TEK: variants seen among roughly 807,000 people sequenced by gnomAD.
TEK encodes the protein TEK receptor tyrosine kinase, also known as angiopoietin-1 receptor.
TEK carries 43 observed loss-of-function variants against 131.8 expected under a neutral mutation model. That is an observed-to-expected ratio of 0.33 (90% CI 0.26 to 0.42). The LOEUF is 0.42. Ranked by LOEUF, TEK falls within the 10% of genes least tolerant of loss-of-function variation. The probability of loss-of-function intolerance (pLI) is 1.00; values close to 1 mark genes in which losing one functional copy is unlikely to be tolerated. For missense variants in TEK, 1,162 were observed against 1,384.4 expected (o/e 0.84, Z 2.55); for synonymous variants, 580 against 491.6 (o/e 1.18, Z -2.38).
At chr9:27,124,337 C>T (rs1821908419) in intron 1 of TEK, among the ~76,000 whole-genome samples, 1 of 152,252 alleles carries the variant, frequency 6.6e-6, no homozygotes, top group Non-Finnish European at 1.5e-5. Flanking sequence ...GCTGGGGCAG[C>T]TCTGCTCCTT....
At chr9:27,141,308 TTTTTA>T (rs1363716001) in intron 1 of TEK, among the ~76,000 whole-genome samples, 6 of 152,268 alleles carry the variant, frequency 3.9e-5, no homozygotes, top group South Asian at 2.1e-4. Flanking sequence ...TACACCCTGT[TTTTTA>T]TTTTATTAAT....
chr9:27,115,172 T>A (rs989783571), intron 1 of TEK, among the ~76,000 whole-genome samples: 2 of 152,098 alleles, frequency 1.3e-5, no homozygotes, highest in African/African-American at 2.4e-5. Context: ...TTTTATTGGG[T>A]CCAATGATAC....
In TEK at chr9:27,182,445, T is replaced by C. The variant is rs147584411; in HGVS notation, c.1031-1014T>C. On this transcript the variant is annotated intron_variant, in intron 7 of 22. Coordinates refer to ENST00000380036, the MANE Select transcript of TEK (RefSeq NM_000459.5). ...CATAATCTTTCCAAGTTTACAGATA[T>C]ATCAAGGAATAACCTTGTAAGTATT... is the stretch of plus-strand genomic sequence containing the variant. Among the ~76,000 whole-genome samples, 402 of 152,332 alleles carry C rather than the reference T, an allele frequency of 2.6e-3. 2 individuals carry two copies. Among genetic ancestry groups the C allele is most frequent in the African/African-American group, 9.2e-3 (384 of 41,584 alleles).
chr9:27,174,588 C>A (rs1161318754), intron 6 of TEK, among the ~76,000 whole-genome samples: 1 of 152,136 alleles, frequency 6.6e-6, no homozygotes, highest in East Asian at 1.9e-4. Flanking sequence ...AGTTCCATAG[C>A]CACACGTGGC....
rs182052305 is a variant in TEK at position 27,169,130 on chromosome 9, C to A, written c.476-347C>A. Among the ~76,000 whole-genome samples the A allele has an allele frequency of 2.2e-4, 34 of 152,274 alleles. 1 individual carries two copies. Among genetic ancestry groups the A allele is most frequent in the African/African-American group, 7.9e-4 (33 of 41,560 alleles). On this transcript the variant is annotated intron_variant, in intron 3 of 22. Transcript: ENST00000380036. ...AGATTGGAGTAGCGATTATAGATAT[C>A]TCCTGGTTAATTGGTTAGTTGACAG...
intron 2 of TEK, among the ~76,000 whole-genome samples, chr9:27,158,515 G>A (rs1042195694): frequency 6.6e-6 from 1 of 152,060 alleles, no homozygotes; most frequent in Admixed American, 6.6e-5. Context: ...TTTTTCATGT[G>A]ATACATTGCT....
chr9:27,189,105 A>G (rs1251951880), intron 9 of TEK, among the ~76,000 whole-genome samples: 2 of 152,170 alleles, frequency 1.3e-5, no homozygotes, highest in East Asian at 1.9e-4. Flanking sequence ...GCATTGTATA[A>G]TACACACTCT....
At chr9:27,197,249 G>T (rs940102621) in intron 11 of TEK, 66 bp from the exon 12 acceptor site, 28 of 1,553,926 alleles carry the variant, frequency 1.8e-5, no homozygotes, top group Middle Eastern at 3.3e-4. Context: ...TGAGATTTGG[G>T]TGGGGACACT....
chr9:27,165,339 C>A (rs1052386509), intron 2 of TEK, among the ~76,000 whole-genome samples: 21 of 151,956 alleles, frequency 1.4e-4, no homozygotes, highest in African/African-American at 5.1e-4. Context: ...GAAAAAAATT[C>A]TCGTAGGAGT....
At chr9:27,207,817 T>G (rs1041988539) in intron 15 of TEK, among the ~76,000 whole-genome samples, 19 of 152,220 alleles carry the variant, frequency 1.2e-4, no homozygotes, top group African/African-American at 4.3e-4. Context: ...CATCTCTGCT[T>G]TCTGCATTGT....
intron 1 of TEK, among the ~76,000 whole-genome samples, chr9:27,125,562 C>T (rs1200019834): frequency 6.6e-6 from 1 of 152,110 alleles, no homozygotes; most frequent in Non-Finnish European, 1.5e-5. Flanking sequence ...ACACAGACTC[C>T]GGTGCCAGAT....
intron 21 of TEK, among the ~76,000 whole-genome samples, chr9:27,226,240 C>A (rs528458190): frequency 3.9e-5 from 6 of 152,278 alleles, no homozygotes; most frequent in Admixed American, 3.3e-4. Context: ...GGAATATACC[C>A]ACAGGATTAT....
At chr9:27,118,506 C>A (rs1299095231) in intron 1 of TEK, among the ~76,000 whole-genome samples, 1 of 152,104 alleles carries the variant, frequency 6.6e-6, no homozygotes. Flanking sequence ...TGGTGGCACA[C>A]ACCTGTGGTC....
chr9:27,219,335 C>G (rs1215275429), intron 20 of TEK, among the ~76,000 whole-genome samples: 1 of 152,136 alleles, frequency 6.6e-6, no homozygotes, highest in African/African-American at 2.4e-5. Flanking sequence ...GTGTCCTTTG[C>G]AGGACCATGG....
chr9:27,191,591 GA>G (rs11372025), intron 10 of TEK, among the ~76,000 whole-genome samples: 7,937 of 146,682 alleles, frequency 0.054, 231 homozygotes, highest in Middle Eastern at 0.086. Context: ...GAAAACTATG[GA>G]AAAAAAAAAA....
rs138894008 is a variant in TEK at position 27,192,564 on chromosome 9, G to T, written c.1565G>T (p.Arg522Leu). The change falls in exon 11 of 23, where the codon CGT (arginine) becomes CTT (leucine). Residue 522 changes from arginine to leucine, a missense_variant. Physicochemically the swap from Arg to Leu is moderately radical, Grantham distance 102. This residue lies in a region of TEK where 477 missense variants were observed against 471.0 expected (regional missense o/e 1.01). Coordinates refer to ENST00000380036, the MANE Select transcript of TEK (RefSeq NM_000459.5). ...GAACTCTGTGTGCAACTGGTCCGTC[G>T]TGGAGAGGGTGGGGAAGGGCATCCT... ...EYELCVQLVR[R>L]GEGGEGHPGP... 2.9e-4 allele frequency: 466 copies of T among 1,613,864 alleles called. No homozygotes were observed. Among genetic ancestry groups the T allele is most frequent in the Non-Finnish European group, 3.5e-4 (415 of 1,179,962 alleles).
chr9:27,123,471 T>C (rs1185642573), intron 1 of TEK, among the ~76,000 whole-genome samples: 1 of 152,166 alleles, frequency 6.6e-6, no homozygotes, highest in Non-Finnish European at 1.5e-5. Flanking sequence ...ATAAATACAC[T>C]GTAATGAGGG....
At chr9:27,133,675 G>T (rs1822309460) in intron 1 of TEK, among the ~76,000 whole-genome samples, 2 of 152,196 alleles carry the variant, frequency 1.3e-5, no homozygotes, top group African/African-American at 4.8e-5. Flanking sequence ...AGCTCGAGGG[G>T]TTCCAAAGGA....
intron 21 of TEK, among the ~76,000 whole-genome samples, chr9:27,226,989 G>T (rs1466155156): frequency 8.2e-6 from 1 of 121,500 alleles, no homozygotes; most frequent in Non-Finnish European, 1.8e-5. Flanking sequence ...ATACCATCCT[G>T]GAAAAACCTG....
Sources: allele counts gnomAD v4.1 joint callset (sites outside exome capture counted in the v4.1 genomes callset), GRCh38; gene constraint gnomAD v4.1.1; regional missense constraint gnomAD v4.1.1; transcripts MANE v1.5; gene names NCBI Gene and HGNC (gene_info 2026-07-23, HGNC 2026-07-21).